TSC1: variants seen among roughly 807,000 people sequenced by gnomAD.
TSC1 encodes hamartin.
In TSC1, 20 loss-of-function variants were observed where a neutral mutation model predicts 124.3. The observed-to-expected ratio is 0.16, with a 90% CI of 0.11 to 0.23. The LOEUF (loss-of-function observed/expected upper bound fraction) is 0.23. TSC1 is among the 10% of genes least tolerant of loss of function. The probability of loss-of-function intolerance (pLI) is 1.00; values close to 1 mark genes in which losing one functional copy is unlikely to be tolerated. For synonymous variants in TSC1, 493 were observed against 539.1 expected (o/e 0.91, Z 1.19); for missense variants, 1,124 against 1,448.5 (o/e 0.78, Z 3.64).
chr9:132,934,901 C>T (rs1462984508), intron 2 of TSC1, 132 bp downstream of exon 2: 1 of 396,814 alleles, frequency 2.5e-6, no homozygotes, highest in African/African-American at 2.1e-5. Context: ...TGTGACTAAT[C>T]CCTTCATGCC....
In TSC1 at chr9:132,894,487, A is replaced by C. The variant is rs1844925583; in HGVS notation, c.*1748T>G. 4.4e-6 allele frequency: 1 copy of C among 228,250 alleles called. No homozygotes were observed. The highest frequency in any genetic ancestry group is 2.2e-5 in the African/African-American group (1 of 45,054). The allele number at this position is 228,250 out of a possible 1,614,324, so 14.1% of individuals were successfully genotyped here. A position where few individuals can be genotyped will look rare whatever the true frequency, so the allele number is the denominator to read the frequency against. On this transcript the variant is annotated 3_prime_UTR_variant, in exon 23 of 23. Coordinates refer to ENST00000298552, the MANE Select transcript of TSC1 (RefSeq NM_000368.5). ...AAAGCTGAATTAAATGTGTGGTGTC[A>C]CTAATACTCCACATCTGACAATTCA...
In TSC1 at chr9:132,923,611, C is replaced by G. The variant is rs148460071; in HGVS notation, c.364-119G>C. On this transcript the variant is annotated intron_variant, in intron 5 of 22. Transcript: ENST00000298552. This position sits in a 1 kb window ranked among gnomAD's most constrained non-coding sequence, Gnocchi z 4.2. ...GAATCACAAATCACAAGTTGACTCA[C>G]GTACTCATTTCCCTATCCCTAAGGA... The G allele has an allele frequency of 3.6e-6, 5 of 1,394,552 alleles. No individual in the cohort carries two copies. The highest frequency in any genetic ancestry group is 4.0e-6 in the Non-Finnish European group (4 of 994,108). 86.4% of individuals were successfully genotyped at this position (1,394,552 alleles called of 1,614,324 possible).
rs376074155 is a variant in TSC1 at position 132,921,261 on chromosome 9, G to T, written c.737+102C>A. 1 of 1,257,282 alleles carries T rather than the reference G, an allele frequency of 8.0e-7. No homozygotes were observed. The highest frequency in any genetic ancestry group is 1.1e-6 in the Non-Finnish European group (1 of 874,986). 77.9% of individuals were successfully genotyped at this position (1,257,282 alleles called of 1,614,324 possible). A position where few individuals can be genotyped will look rare whatever the true frequency, so the allele number is the denominator to read the frequency against. On this transcript the variant is annotated intron_variant, in intron 8 of 22. Coordinates refer to ENST00000298552, the MANE Select transcript of TSC1 (RefSeq NM_000368.5). The surrounding 1 kb of genome is among the most constrained non-coding windows in gnomAD (Gnocchi z 4.3). ...TCCAAGTGGACTGATTCTGTAAGTA[G>T]AACATCTATATTCCCAAATATACCT...
At chr9:132,934,883 A>G (rs990561274) in intron 2 of TSC1, 150 bp downstream of exon 2, 1 of 396,310 alleles carries the variant, frequency 2.5e-6, no homozygotes, top group Non-Finnish European at 4.4e-6. Flanking sequence ...ACTAATAATC[A>G]TCAGTAATGT....
chr9:132,940,975 T>TC (rs1847708577), intron 1 of TSC1: 1 of 152,128 alleles, frequency 6.6e-6, no homozygotes, highest in Admixed American at 6.5e-5. Context: ...TTCCTACAGC[T>TC]CCCCTCTGTG....
At chr9:132,938,823 A>G (rs1262473258) in intron 1 of TSC1, among the ~76,000 whole-genome samples, 1 of 152,214 alleles carries the variant, frequency 6.6e-6, no homozygotes, top group Non-Finnish European at 1.5e-5. Context: ...ACAGGTGAAT[A>G]TTCGAATTTT....
Position 132,897,145 on chromosome 9 carries a change from G to A in TSC1, c.2975+39C>T, listed in dbSNP as rs377403942. 7 of 1,613,036 alleles carry A rather than the reference G, an allele frequency of 4.3e-6. No individual in the cohort carries two copies. In the African/African-American group the frequency reaches 9.3e-5, roughly 22 times the overall value. The stretch of plus-strand genomic sequence containing the variant: ...CACAGTCCTTATGCTGGAATTGGCA[G>A]CTTAGTCCCAAGGTCATGAATCAGT... On this transcript the variant is annotated intron_variant, in intron 22 of 22. Coordinates refer to ENST00000298552, the MANE Select transcript of TSC1 (RefSeq NM_000368.5).
rs186560758 is a variant in TSC1, at chr9:132,908,142, C to T, written c.1264-772G>A. On this transcript the variant is annotated intron_variant, in intron 12 of 22. Transcript: ENST00000298552. Reference sequence around the variant, plus strand: ...AGTTGGAGAATCCCAAGAGCTTTTACGAGGCATAATTATTATATTAGAAAA... The same window carrying T: ...AGTTGGAGAATCCCAAGAGCTTTTATGAGGCATAATTATTATATTAGAAAA... Among the ~76,000 whole-genome samples the T allele has an allele frequency of 8.6e-3, 1,251 of 146,202 alleles. 8 individuals carry two copies. The highest frequency in any genetic ancestry group is 0.013 in the Non-Finnish European group (863 of 65,898).
chr9:132,940,730 A>G (rs1370394938), intron 1 of TSC1: 1 of 152,216 alleles, frequency 6.6e-6, no homozygotes, highest in African/African-American at 2.4e-5. Flanking sequence ...TGTTTGGCAC[A>G]TGAGTACTCA....
upstream of TSC1, among the ~76,000 whole-genome samples, chr9:132,945,025 C>T (rs542895898): frequency 4.6e-5 from 7 of 152,188 alleles, no homozygotes; most frequent in South Asian, 1.0e-3. Flanking sequence ...GTTGGAGCGC[C>T]CTGCCCCTGC....
chr9:132,894,134 G>A lies in TSC1; in HGVS notation c.*2101C>T. 1 of 233,600 alleles carries A rather than the reference G, an allele frequency of 4.3e-6. No homozygotes were observed. The highest frequency in any genetic ancestry group is 5.6e-5 in the Admixed American group (1 of 17,806). The allele number at this position is 233,600 out of a possible 1,614,324, so 14.5% of individuals were successfully genotyped here. On this transcript the variant is annotated 3_prime_UTR_variant, in exon 23 of 23. Coordinates refer to ENST00000298552, the MANE Select transcript of TSC1 (RefSeq NM_000368.5). ...CGCATGGATGAGCTGAGGACCCTGT[G>A]CAGACACGTCCATGGAGCTTCTAGC...
intron 1 of TSC1, chr9:132,942,130 A>G (rs1424995852): frequency 1.3e-5 from 2 of 152,280 alleles, no homozygotes; most frequent in Admixed American, 6.5e-5. Context: ...AGACAGAGCT[A>G]TAAGAACAAG....
In TSC1 at chr9:132,893,006, C is replaced by A. The variant is rs1268666832; in HGVS notation, c.*3229G>T. 4.3e-6 allele frequency: 1 copy of A among 233,204 alleles called. No homozygotes were observed. The highest frequency in any genetic ancestry group is 2.2e-5 in the African/African-American group (1 of 45,332). 14.4% of individuals were successfully genotyped at this position (233,204 alleles called of 1,614,324 possible). On this transcript the variant is annotated 3_prime_UTR_variant, in exon 23 of 23. Coordinates refer to ENST00000298552, the MANE Select transcript of TSC1 (RefSeq NM_000368.5). ...TGCCCTGCTTTTACCCAGTAATGTGCGGCATGGTGGGTGAATTTTTCTAAT... is the reference window on the plus strand; with the variant it reads ...TGCCCTGCTTTTACCCAGTAATGTGAGGCATGGTGGGTGAATTTTTCTAAT...
Position 132,906,336 on chromosome 9 carries a change from A to C in TSC1, c.1439-197T>G. 1 of 668,054 alleles carries C rather than the reference A, an allele frequency of 1.5e-6. No individual in the cohort carries two copies. Among genetic ancestry groups the C allele is most frequent in the South Asian group, 1.7e-5 (1 of 60,068 alleles). The allele number at this position is 668,054 out of a possible 1,614,324, so 41.4% of individuals were successfully genotyped here. On this transcript the variant is annotated intron_variant, in intron 14 of 22. Coordinates refer to ENST00000298552, the MANE Select transcript of TSC1 (RefSeq NM_000368.5). This position sits in a 1 kb window ranked among gnomAD's most constrained non-coding sequence, Gnocchi z 4.1. ...TGAGGAGGGAGGATCACTTGAGCCC[A>C]GGAGTTAGAGACCAGCCTGGACAAC...
intron 8 of TSC1, among the ~76,000 whole-genome samples, chr9:132,920,521 A>G (rs943789046): frequency 3.9e-5 from 6 of 152,110 alleles, no homozygotes; most frequent in African/African-American, 1.4e-4. Flanking sequence ...ACTTCTCTAC[A>G]TATAATCTCA....
At chr9:132,933,534 T>TA (rs1304757547) in intron 2 of TSC1, among the ~76,000 whole-genome samples, 1 of 152,220 alleles carries the variant, frequency 6.6e-6, no homozygotes, top group East Asian at 1.9e-4. Context: ...CTTGCCAAGC[T>TA]ATGAATCCCA....
At chr9:132,908,663 G>T (rs555225974) in intron 12 of TSC1, among the ~76,000 whole-genome samples, 1 of 151,656 alleles carries the variant, frequency 6.6e-6, no homozygotes, top group South Asian at 2.1e-4. Flanking sequence ...GCCCAGGCTG[G>T]TCTTGAACGC....
chr9:132,913,891 G>GTTTTTTTTTTTTTTTT, intron 8 of TSC1, among the ~76,000 whole-genome samples: 1 of 58,374 alleles, frequency 1.7e-5, no homozygotes, highest in Non-Finnish European at 3.0e-5. Context: ...GTTTTGTTTT[G>GTTTTTTTTTTTTTTTT]TTTTTTTTTT....
rs1022391021 is a variant in TSC1, at chr9:132,894,189, T to C, written c.*2046A>G. 1 of 233,232 alleles carries C rather than the reference T, an allele frequency of 4.3e-6. No individual in the cohort carries two copies. The highest frequency in any genetic ancestry group is 8.5e-6 in the Non-Finnish European group (1 of 117,920). 14.4% of individuals were successfully genotyped at this position (233,232 alleles called of 1,614,324 possible). A position where few individuals can be genotyped will look rare whatever the true frequency, so the allele number is the denominator to read the frequency against. On this transcript the variant is annotated 3_prime_UTR_variant, in exon 23 of 23. Transcript: ENST00000298552. ...GCCTCTCTCCATGCTGCCTCCTTTCTTCCCTTTATTTTTATAAGCTGTCCG... is the reference window on the plus strand; with the variant it reads ...GCCTCTCTCCATGCTGCCTCCTTTCCTCCCTTTATTTTTATAAGCTGTCCG...
Sources: allele counts gnomAD v4.1 joint callset (sites outside exome capture counted in the v4.1 genomes callset), GRCh38; gene constraint gnomAD v4.1.1; non-coding constraint Gnocchi (gnomAD v3.1); transcripts MANE v1.5; gene names NCBI Gene and HGNC (gene_info 2026-07-23, HGNC 2026-07-21).